Variants in PCDH11Y observed in about 807,000 individuals in gnomAD.
The protein encoded by PCDH11Y is protocadherin-11 Y-linked.
For missense variants in PCDH11Y, 12 were observed against 224.8 expected (o/e 0.05, Z 6.05); for synonymous variants, 9 against 83.6 (o/e 0.11, Z 4.87).
chrY:5,732,646 T>C (rs2053605976), intron 4 of PCDH11Y, among the ~76,000 whole-genome samples: 1 of 32,014 alleles, frequency 3.1e-5, no homozygotes, highest in Non-Finnish European at 7.6e-5. Context: ...TTTTGTATTA[T>C]ATCTCTCAGA....
chrY:5,016,479 T>G (rs2124619185), intron 1 of PCDH11Y, among the ~76,000 whole-genome samples: 5 of 33,107 alleles, frequency 1.5e-4, no homozygotes, highest in Admixed American at 1.1e-3. Context: ...ATTTGAATGG[T>G]AAATACCAAA....
chrY:5,072,298 T>C, intron 1 of PCDH11Y, among the ~76,000 whole-genome samples: 1 of 32,522 alleles, frequency 3.1e-5, no homozygotes, highest in Non-Finnish European at 7.6e-5. Context: ...AACTAAAAAC[T>C]CCTTCTGCTA....
At chrY:5,014,266 G>A (rs2052557455) in intron 1 of PCDH11Y, among the ~76,000 whole-genome samples, 1 of 29,821 alleles carries the variant, frequency 3.4e-5, no homozygotes, top group African/African-American at 1.3e-4. Flanking sequence ...AATAATATTT[G>A]TTTTATCAGC....
rs1602844111 is a variant in PCDH11Y at position 5,042,137 on chromosome Y, T to G, written c.32+9409T>G. 1.6e-4 allele frequency among the ~76,000 whole-genome samples: 5 copies of G among 30,979 alleles called. No homozygotes were observed. The East Asian group carries it at 3.4e-3, about 21-fold the overall frequency. The allele number at this position is 30,979 out of a possible 37,273, so 83.1% of individuals were successfully genotyped here. The stretch of plus-strand genomic sequence containing the variant: ...AATTAGATCCCATTTGTCAATTTTG[T>G]CTTTTGTTGCCATTGCTTTTGGTGT... On this transcript the variant is annotated intron_variant, in intron 3 of 5. Transcript: ENST00000333703.
chrY:5,220,862 G>A, intron 2 of PCDH11Y, among the ~76,000 whole-genome samples: 1 of 28,697 alleles, frequency 3.5e-5, no homozygotes, highest in Admixed American at 3.3e-4. Flanking sequence ...GGGATTACAG[G>A]TGCCCACCAC....
intron 2 of PCDH11Y, among the ~76,000 whole-genome samples, chrY:5,380,844 T>C (rs2124674367): frequency 9.8e-5 from 3 of 30,548 alleles, no homozygotes; most frequent in South Asian, 1.6e-3. Context: ...TTGCCTCGGC[T>C]TCCCAAAGCC....
intron 4 of PCDH11Y, among the ~76,000 whole-genome samples, chrY:5,624,614 C>G: frequency 9.3e-5 from 3 of 32,158 alleles, no homozygotes; most frequent in Non-Finnish European, 2.3e-4. Flanking sequence ...ATTCAATTAT[C>G]TCAACACCTT....
At chrY:5,313,294 TC>T (rs2053103877) in intron 2 of PCDH11Y, among the ~76,000 whole-genome samples, 2 of 33,681 alleles carry the variant, frequency 5.9e-5, no homozygotes, top group African/African-American at 2.3e-4. Flanking sequence ...AATAGGGATC[TC>T]CCTACTGTAA....
chrY:5,469,974 C>A (rs370886348), intron 2 of PCDH11Y, among the ~76,000 whole-genome samples: 1 of 34,807 alleles, frequency 2.9e-5, no homozygotes, highest in African/African-American at 1.1e-4. Context: ...ATTGTCAGAT[C>A]CTTTTAGGTC....
chrY:5,173,525 A>G, intron 2 of PCDH11Y, among the ~76,000 whole-genome samples: 1 of 32,605 alleles, frequency 3.1e-5, no homozygotes, highest in Non-Finnish European at 7.6e-5. Flanking sequence ...GGCCAATAAT[A>G]AGAGCAGCCT....
At chrY:5,313,232 T>C in intron 2 of PCDH11Y, among the ~76,000 whole-genome samples, 2 of 33,359 alleles carry the variant, frequency 6.0e-5, no homozygotes, top group Non-Finnish European at 1.5e-4. Flanking sequence ...CAAGTTTTGA[T>C]TGGAGGAGCC....
intron 2 of PCDH11Y, among the ~76,000 whole-genome samples, chrY:5,451,857 C>T (rs2053293392): frequency 6.2e-5 from 2 of 32,492 alleles, no homozygotes; most frequent in Non-Finnish European, 1.5e-4. Context: ...GTCTTGATTC[C>T]GGAAAGACCA....
At chrY:5,231,905 G>A in intron 2 of PCDH11Y, among the ~76,000 whole-genome samples, 1 of 32,961 alleles carries the variant, frequency 3.0e-5, no homozygotes, top group Non-Finnish European at 7.5e-5. Flanking sequence ...CAAAGGCAGA[G>A]GAGCCTCTCG....
At chrY:5,294,124 C>T (rs1602900304) in intron 2 of PCDH11Y, among the ~76,000 whole-genome samples, 93 of 31,780 alleles carry the variant, frequency 2.9e-3, no homozygotes, top group African/African-American at 0.01. Context: ...AATTATTTTG[C>T]GGTCTTTTTT....
chrY:5,149,971 ACTT>A (rs2052862804), intron 2 of PCDH11Y, among the ~76,000 whole-genome samples: 3 of 32,715 alleles, frequency 9.2e-5, no homozygotes, highest in Admixed American at 5.6e-4. Flanking sequence ...TAGAGTTATC[ACTT>A]CTTTTGATGA....
chrY:5,347,777 T>C, intron 2 of PCDH11Y, among the ~76,000 whole-genome samples: 1 of 33,255 alleles, frequency 3.0e-5, no homozygotes, highest in Non-Finnish European at 7.4e-5. Flanking sequence ...AGCATGTTCT[T>C]ATTACTACTC....
intron 2 of PCDH11Y, among the ~76,000 whole-genome samples, chrY:5,172,599 C>T: frequency 6.2e-5 from 2 of 32,034 alleles, no homozygotes; most frequent in South Asian, 7.2e-4. Context: ...TCAGCACTTC[C>T]CATGTTATTG....
chrY:5,627,620 C>T (rs2053508610), intron 4 of PCDH11Y, among the ~76,000 whole-genome samples: 1 of 31,956 alleles, frequency 3.1e-5, no homozygotes, highest in Admixed American at 2.9e-4. Context: ...AGGATGGTCT[C>T]GTGATCCACC....
chrY:5,029,099 A>C, intron 1 of PCDH11Y, among the ~76,000 whole-genome samples: 2 of 33,278 alleles, frequency 6.0e-5, no homozygotes, highest in African/African-American at 2.3e-4. Flanking sequence ...CTCATAAATC[A>C]TTCTAGGAGG....
Sources: gnomAD v4.1 joint callset for allele counts (sites outside exome capture counted in the v4.1 genomes callset) on GRCh38, gnomAD v4.1.1 for gene constraint, MANE v1.5 for transcripts, NCBI Gene and HGNC (gene_info 2026-07-23, HGNC 2026-07-21) for gene names.